Variants in RGL3 observed in about 807,000 individuals in gnomAD.
RGL3 encodes ral guanine nucleotide dissociation stimulator-like 3.
Under a neutral mutation model 90.6 loss-of-function variants are expected in RGL3, and 85 were observed. The observed-to-expected ratio is 0.94, with a 90% CI of 0.79 to 1.12. The LOEUF (loss-of-function observed/expected upper bound fraction) is 1.12. Among genes scored for constraint, RGL3 ranks in the 50% most tolerant of loss-of-function variants. The pLI, the probability that RGL3 is intolerant of heterozygous loss-of-function variation, is 0.00. For synonymous variants in RGL3, 408 were observed against 385.5 expected, an observed-to-expected ratio of 1.06 and a Z score of -0.68; for missense variants, 1,034 against 939.2, an observed-to-expected ratio of 1.10 and a Z score of -1.32.
At chr19:11,412,705 G>A (rs961428804) in intron 5 of RGL3, among the ~76,000 whole-genome samples, 4 of 152,008 alleles carry the variant, frequency 2.6e-5, no homozygotes, top group Non-Finnish European at 5.9e-5. Context: ...GGTGGCTCAC[G>A]CCTGTAATCC....
At chr19:11,405,042 G>A in intron 9 of RGL3, 105 bp downstream of exon 9, 2 of 939,180 alleles carry the variant, frequency 2.1e-6, no homozygotes, top group South Asian at 1.3e-5. Context: ...CGGTAGGGAA[G>A]GACAGAGTGT....
At chr19:11,408,187 A>G (rs1168446760) in intron 5 of RGL3, among the ~76,000 whole-genome samples, 3 of 152,226 alleles carry the variant, frequency 2.0e-5, no homozygotes, top group Admixed American at 2.0e-4. Flanking sequence ...GCTGGTCTCA[A>G]ACACCTGGGC....
chr19:11,418,823 A>G, intron 1 of RGL3, 39 bp from the exon 2 acceptor site: 1 of 1,494,706 alleles, frequency 6.7e-7, no homozygotes, highest in Non-Finnish European at 9.0e-7. Context: ...AAAGGGGCAC[A>G]GGTCCTGGGG....
chr19:11,418,552 G>T, intron 2 of RGL3, 119 bp downstream of exon 2: 1 of 702,862 alleles, frequency 1.4e-6, no homozygotes, highest in South Asian at 2.1e-5. Flanking sequence ...TCATCTGGTC[G>T]CCTCCGAGCC....
chr19:11,419,176 C>T (rs867254280), intron 1 of RGL3, 70 bp downstream of exon 1: 3 of 1,522,458 alleles, frequency 2.0e-6, no homozygotes, highest in Admixed American at 3.7e-5. Context: ...GTCCGACGGG[C>T]GGGCGCTTGG....
intron 5 of RGL3, among the ~76,000 whole-genome samples, chr19:11,412,404 G>A (rs1183566094): frequency 6.6e-6 from 1 of 151,904 alleles, no homozygotes; most frequent in African/African-American, 2.4e-5. Flanking sequence ...TTGTGAAATT[G>A]ATCATCGTTG....
At position 11,418,661 on chromosome 19, in the gene RGL3, C is replaced by T. The variant is rs1245535693; in HGVS notation, c.147+10G>A. On this transcript the variant is annotated intron_variant, in intron 2 of 18. Transcript: ENST00000380456. ...CCGGCCCCGCGCCACCCACCAAACC[C>T]CCTCCTCACCTGGCTGCCCCCGGGG... 6.5e-7 allele frequency: 1 copy of T among 1,538,828 alleles called. No homozygotes were observed. Among genetic ancestry groups the T allele is most frequent in the Non-Finnish European group, 8.7e-7 (1 of 1,146,510 alleles).
intron 4 of RGL3, 67 bp from the exon 5 acceptor site, chr19:11,416,215 CCTTT>C: frequency 1.2e-6 from 1 of 855,186 alleles, no homozygotes; most frequent in Non-Finnish European, 1.6e-6. Context: ...ACTCCTGGTA[CCTTT>C]TTTTTTTTTT....
intron 9 of RGL3, 145 bp downstream of exon 9, chr19:11,405,002 G>T (rs566610010): frequency 5.6e-6 from 4 of 709,174 alleles, no homozygotes; most frequent in East Asian, 5.0e-5. Context: ...CGTGCAACCC[G>T]CCAGGGACAA....
At chr19:11,404,594 A>T (rs1161961228) in intron 9 of RGL3, among the ~76,000 whole-genome samples, 2 of 152,072 alleles carry the variant, frequency 1.3e-5, no homozygotes, top group Admixed American at 6.6e-5. Context: ...AAAAAACCAG[A>T]TGTGTGGTTT....
intron 5 of RGL3, chr19:11,411,431 C>T (rs1968873703): frequency 1.3e-5 from 2 of 151,872 alleles, no homozygotes; most frequent in African/African-American, 4.8e-5. Context: ...GCCACAACAC[C>T]TGGCCAGAAA....
rs371743907 is a variant in RGL3 at position 11,416,548 on chromosome 19, C to A, written c.425+66G>T. 9 of 1,500,724 alleles carry A rather than the reference C, an allele frequency of 6.0e-6. No individual in the cohort carries two copies. In the African/African-American group the frequency reaches 1.2e-4, roughly 21 times the overall value. The allele number at this position is 1,500,724 out of a possible 1,614,324, so 93.0% of individuals were successfully genotyped here. On this transcript the variant is annotated intron_variant, in intron 4 of 18. Coordinates refer to ENST00000380456, the MANE Select transcript of RGL3 (RefSeq NM_001035223.4). ...ACCTGCAATTTTCAAAACCCCAGTC[C>A]GACTGCTAACCTTTGACCTCTTGGA... is the stretch of plus-strand genomic sequence containing the variant.
intron 4 of RGL3, chr19:11,416,397 C>T: frequency 6.4e-6 from 4 of 626,008 alleles, no homozygotes; most frequent in Middle Eastern, 4.2e-4. Flanking sequence ...CAGGGTTTCG[C>T]CATATTGGCC....
At position 11,397,433 on chromosome 19, in the gene RGL3, C is replaced by G; in HGVS notation, c.1899+12G>C. The G allele has an allele frequency of 1.3e-6, 2 of 1,598,876 alleles. No homozygotes were observed. The highest frequency in any genetic ancestry group is 1.7e-6 in the Non-Finnish European group (2 of 1,170,732). On this transcript the variant is annotated intron_variant, in intron 17 of 18. Transcript: ENST00000380456. Reference sequence around the variant, plus strand: ...GGGCAGCCTCCAGCAGACCCCCAGCCCAGCCCCTCACCAAGATGCTTCGAT... The same window carrying G: ...GGGCAGCCTCCAGCAGACCCCCAGCGCAGCCCCTCACCAAGATGCTTCGAT...
In RGL3 at chr19:11,406,515, G is replaced by T; in HGVS notation, c.900C>A (p.Thr300=). The change falls in exon 7 of 19, where the codon ACC becomes ACA. Residue 300 remains threonine, a synonymous_variant. Transcript: ENST00000380456. ...TVRATVAQFN[T]VTGCVLGSVL... is the part of the protein sequence containing the mutation. ...CGGAACCCAGCACACAGCCGGTCAC[G>T]GTGTTGAACTGGGCCACGGTGGCGC... The T allele has an allele frequency of 6.4e-7, 1 of 1,553,658 alleles. No individual in the cohort carries two copies. Among genetic ancestry groups the T allele is most frequent in the East Asian group, 2.4e-5 (1 of 41,880 alleles).
At chr19:11,409,748 T>C (rs1332208804) in intron 5 of RGL3, among the ~76,000 whole-genome samples, 2 of 152,172 alleles carry the variant, frequency 1.3e-5, no homozygotes, top group African/African-American at 4.8e-5. Flanking sequence ...TTGGTGCTTG[T>C]TGCTGTCAGT....
intron 17 of RGL3, 34 bp from the exon 18 acceptor site, chr19:11,397,392 C>T: frequency 6.3e-7 from 1 of 1,587,822 alleles, no homozygotes; most frequent in Non-Finnish European, 8.6e-7. Flanking sequence ...AGGTGAGGGC[C>T]CCGGCCCCAA....
intron 11 of RGL3, 58 bp from the exon 12 acceptor site, chr19:11,402,305 T>C: frequency 6.3e-7 from 1 of 1,597,922 alleles, no homozygotes; most frequent in Non-Finnish European, 8.5e-7. Flanking sequence ...AGGGTCAAGG[T>C]CAGGGGCTGG....
rs1473648092 is a variant in RGL3 at position 11,418,723 on chromosome 19, C to A, written c.95G>T (p.Arg32Leu). The change falls in exon 2 of 19, where the codon CGG becomes CTG. Residue 32 changes from arginine to leucine, a missense_variant. By Grantham distance (102) the Arg-to-Leu change is moderately radical. Transcript: ENST00000380456. ...EDGAVYSVSL[R>L]RQRSQRRSPA... ...GCTCCTGCGCTGACTGCGCTGCCGC[C>A]GCAGGGAGACACTGTACACCGCGCC... 4 of 1,577,352 alleles carry A rather than the reference C, an allele frequency of 2.5e-6. No homozygotes were observed. The East Asian group carries it at 6.9e-5, about 27-fold the overall frequency.
Sources: gnomAD v4.1 joint callset for allele counts (sites outside exome capture counted in the v4.1 genomes callset) on GRCh38, gnomAD v4.1.1 for gene constraint, MANE v1.5 for transcripts, NCBI Gene and HGNC (gene_info 2026-07-23, HGNC 2026-07-21) for gene names.